Variants in ZDHHC2 observed in about 807,000 individuals in gnomAD.
ZDHHC2 encodes the protein palmitoyltransferase ZDHHC2.
In ZDHHC2, 51 loss-of-function variants were observed where a neutral mutation model predicts 55.6. The ratio of observed to expected loss-of-function variants is 0.92; its 90% confidence interval spans 0.73 to 1.16. ZDHHC2 has a LOEUF of 1.16. ZDHHC2 is among the 50% of genes most tolerant of loss of function. The pLI, the probability that ZDHHC2 is intolerant of heterozygous loss-of-function variation, is 0.00. For synonymous variants in ZDHHC2, 199 were observed against 152.9 expected, an observed-to-expected ratio of 1.30 and a Z score of -2.22; for missense variants, 491 against 442.4, an observed-to-expected ratio of 1.11 and a Z score of -0.99.
rs73198534 is a variant in ZDHHC2 at position 17,210,065 on chromosome 8, C to G, written c.857+7C>G. The G allele has an allele frequency of 3.1e-5, 49 of 1,585,960 alleles. No individual in the cohort carries two copies. The highest frequency in any genetic ancestry group is 5.5e-5 in the Admixed American group (3 of 54,946). ...TGCTACCCATTTTTTCAAGGTACTT[C>G]TTTGTTAAAATTTTCAGGCTTTAAA... On this transcript the variant is annotated splice_region_variant and intron_variant, in intron 9 of 12. Transcript: ENST00000262096.
At chr8:17,202,004 G>A (rs1806806483) in intron 6 of ZDHHC2, among the ~76,000 whole-genome samples, 1 of 152,018 alleles carries the variant, frequency 6.6e-6, no homozygotes, top group African/African-American at 2.4e-5. Context: ...CGTAGTATTT[G>A]CTTTATGGGA....
At position 17,174,120 on chromosome 8, in the gene ZDHHC2, T is replaced by C. The variant is rs553205307; in HGVS notation, c.131-10669T>C. On this transcript the variant is annotated intron_variant, in intron 1 of 12. Coordinates refer to ENST00000262096, the MANE Select transcript of ZDHHC2 (RefSeq NM_016353.5). ...TCTTTTTTTTTTTTTAACAAGGTCT[T>C]GCTCTGTCTCCCAATCTGGAATACA... Among the ~76,000 whole-genome samples, 61 of 151,792 alleles carry C rather than the reference T, an allele frequency of 4.0e-4. 1 individual carries two copies. Among genetic ancestry groups the C allele is most frequent in the Admixed American group, 1.1e-3 (16 of 15,230 alleles).
chr8:17,190,034 G>A (rs994624110), intron 3 of ZDHHC2, among the ~76,000 whole-genome samples: 2 of 152,078 alleles, frequency 1.3e-5, no homozygotes, highest in African/African-American at 2.4e-5. Flanking sequence ...ATGGGTGGGA[G>A]TGCCCAGGAC....
chr8:17,181,287 T>A (rs1805420733), intron 1 of ZDHHC2, among the ~76,000 whole-genome samples: 1 of 152,220 alleles, frequency 6.6e-6, no homozygotes, highest in African/African-American at 2.4e-5. Context: ...TCTATGCCAG[T>A]TCTTGTGCTT....
rs1284454939 is a variant in ZDHHC2, at chr8:17,223,441, T to G, written c.*3220T>G. On this transcript the variant is annotated 3_prime_UTR_variant, in exon 13 of 13. Transcript: ENST00000262096. ...TCACAAATAACACGTGTTTAATATC[T>G]TTCTGCAGAAACGTGTTCTTCTAAA... The G allele has an allele frequency of 6.6e-6, 1 of 151,918 alleles. No homozygotes were observed. The allele number at this position is 151,918 out of a possible 1,614,324, so 9.4% of individuals were successfully genotyped here.
chr8:17,202,287 C>G (rs1296359974), intron 6 of ZDHHC2, among the ~76,000 whole-genome samples: 3 of 122,552 alleles, frequency 2.4e-5, no homozygotes, highest in Admixed American at 8.5e-5. Flanking sequence ...GTGGCACGAT[C>G]TTGGCTCACT....
At chr8:17,187,110 G>C (rs185810086) in intron 3 of ZDHHC2, among the ~76,000 whole-genome samples, 3 of 152,326 alleles carry the variant, frequency 2.0e-5, no homozygotes, top group Admixed American at 1.3e-4. Flanking sequence ...CACAAGGAAG[G>C]GGGGAGTGTA....
intron 1 of ZDHHC2, among the ~76,000 whole-genome samples, chr8:17,159,314 A>G (rs1804216019): frequency 6.6e-6 from 1 of 152,218 alleles, no homozygotes; most frequent in Admixed American, 6.5e-5. Flanking sequence ...TTTCTTCCAT[A>G]AAACATTGGC....
intron 1 of ZDHHC2, among the ~76,000 whole-genome samples, chr8:17,159,839 C>A (rs890129935): frequency 2.6e-5 from 4 of 152,054 alleles, no homozygotes; most frequent in African/African-American, 9.7e-5. Context: ...TATTTGTATT[C>A]CTCCCCCTCC....
chr8:17,183,108 T>C (rs1023059676), intron 1 of ZDHHC2, among the ~76,000 whole-genome samples: 1 of 152,194 alleles, frequency 6.6e-6, no homozygotes, highest in East Asian at 1.9e-4. Context: ...TAGTTTTCAG[T>C]TCTCTCCACT....
chr8:17,188,345 G>C (rs1221618029), intron 3 of ZDHHC2, among the ~76,000 whole-genome samples: 1 of 147,624 alleles, frequency 6.8e-6, no homozygotes, highest in African/African-American at 2.4e-5. Context: ...TATCCCACAG[G>C]GGAAAGCTCA....
At chr8:17,202,447 T>C (rs1287409894) in intron 6 of ZDHHC2, among the ~76,000 whole-genome samples, 2 of 152,198 alleles carry the variant, frequency 1.3e-5, no homozygotes, top group Non-Finnish European at 2.9e-5. Flanking sequence ...CTTTTTCAAA[T>C]TTAAAGTCAG....
chr8:17,180,825 T>C (rs1243306865), intron 1 of ZDHHC2, among the ~76,000 whole-genome samples: 1 of 152,236 alleles, frequency 6.6e-6, no homozygotes, highest in Non-Finnish European at 1.5e-5. Context: ...CTTTTCCATT[T>C]TGACAAATTC....
chr8:17,164,674 A>G lies in ZDHHC2; in HGVS notation c.130+7821A>G, dbSNP rs544129513. On this transcript the variant is annotated intron_variant, in intron 1 of 12. Transcript: ENST00000262096. ...TAAAATAGTTTCTAGGTAGTTGTCTATCTTCATGATCATGTTATAAAAGAT... is the reference window on the plus strand; with the variant it reads ...TAAAATAGTTTCTAGGTAGTTGTCTGTCTTCATGATCATGTTATAAAAGAT... 2.6e-5 allele frequency among the ~76,000 whole-genome samples: 4 copies of G among 152,314 alleles called. No individual in the cohort carries two copies. The East Asian group carries it at 5.8e-4, about 22-fold the overall frequency.
intron 10 of ZDHHC2, among the ~76,000 whole-genome samples, chr8:17,214,974 C>G (rs944159842): frequency 6.6e-6 from 1 of 152,144 alleles, no homozygotes; most frequent in African/African-American, 2.4e-5. Flanking sequence ...GGGCTGAAGA[C>G]TATTCTCTGG....
rs995086503 is a variant in ZDHHC2, at chr8:17,224,137, G to T, written c.*3916G>T. The T allele has an allele frequency of 2.0e-5, 3 of 151,536 alleles. No individual in the cohort carries two copies. The highest frequency in any genetic ancestry group is 3.0e-5 in the Non-Finnish European group (2 of 67,682). 9.4% of individuals were successfully genotyped at this position (151,536 alleles called of 1,614,324 possible). ...TCAATCACCAACACCGCTGAGAATTGTTCTTATACCAGCAAAAAGTTCAAA... is the reference window on the plus strand; with the variant it reads ...TCAATCACCAACACCGCTGAGAATTTTTCTTATACCAGCAAAAAGTTCAAA... On this transcript the variant is annotated 3_prime_UTR_variant, in exon 13 of 13. Transcript: ENST00000262096.
At chr8:17,206,267 G>C (rs944847635) in intron 7 of ZDHHC2, among the ~76,000 whole-genome samples, 2 of 152,158 alleles carry the variant, frequency 1.3e-5, no homozygotes, top group African/African-American at 4.8e-5. Flanking sequence ...AGATAAGCTT[G>C]ATTCAGGCAT....
chr8:17,173,796 T>C (rs1804986123), intron 1 of ZDHHC2, among the ~76,000 whole-genome samples: 1 of 152,186 alleles, frequency 6.6e-6, no homozygotes, highest in African/African-American at 2.4e-5. Flanking sequence ...TGCTGCAAGC[T>C]ATATTCTGTG....
chr8:17,184,796 G>A lies in ZDHHC2; in HGVS notation c.138G>A (p.Met46Ile). 3 of 1,549,982 alleles carry A rather than the reference G, an allele frequency of 1.9e-6. No individual in the cohort carries two copies. Among genetic ancestry groups the A allele is most frequent in the Non-Finnish European group, 2.6e-6 (3 of 1,146,204 alleles). Residue 46 changes from methionine (M) to isoleucine (I), a missense_variant, in exon 2 of 13, where the codon ATG becomes ATA. Physicochemically the swap from Met to Ile is conservative, Grantham distance 10. Transcript: ENST00000262096. ...AYAIQLCIVS[M>I]ENTGEQVVCL... ...CTTTTTTTCTCTTTACAGTGTCCAT[G>A]GAAAACACTGGCGAACAAGGTAAGC...
Sources: gnomAD v4.1 joint callset for allele counts (sites outside exome capture counted in the v4.1 genomes callset) on GRCh38, gnomAD v4.1.1 for gene constraint, MANE v1.5 for transcripts, NCBI Gene and HGNC (gene_info 2026-07-23, HGNC 2026-07-21) for gene names.